LDB2: variants seen among roughly 807,000 people sequenced by gnomAD.
The protein encoded by LDB2 is LIM domain-binding protein 2.
In LDB2, 12 loss-of-function variants were observed where a neutral mutation model predicts 44.3. The observed-to-expected ratio is 0.27, with a 90% CI of 0.17 to 0.44. LDB2 has a LOEUF of 0.44. Ranked by LOEUF, LDB2 falls within the 20% of genes least tolerant of loss-of-function variation. The probability of loss-of-function intolerance (pLI) is 1.00; values close to 1 mark genes in which losing one functional copy is unlikely to be tolerated. For missense variants in LDB2, 344 were observed against 473.5 expected (o/e 0.73, Z 2.54); for synonymous variants, 164 against 174.8 (o/e 0.94, Z 0.49).
At chr4:16,746,619 T>C (rs187439784) in intron 2 of LDB2, among the ~76,000 whole-genome samples, 2 of 152,240 alleles carry the variant, frequency 1.3e-5, no homozygotes, top group East Asian at 3.9e-4. Context: ...AAACCCCGTC[T>C]CTACTAAACA....
chr4:16,690,532 GGGAGGGAGGTT>G (rs1750485752), intron 2 of LDB2, among the ~76,000 whole-genome samples: 2 of 76,520 alleles, frequency 2.6e-5, no homozygotes, highest in African/African-American at 9.3e-5. Context: ...GAGGGAGGGA[GGGAGGGAGGTT>G]GGGGAAAGGA....
At chr4:16,867,930 A>G (rs1333530617) in intron 1 of LDB2, among the ~76,000 whole-genome samples, 1 of 152,218 alleles carries the variant, frequency 6.6e-6, no homozygotes. Flanking sequence ...ACAATCCACT[A>G]GCATCTGTTG....
chr4:16,893,356 C>T (rs896177865), intron 1 of LDB2, among the ~76,000 whole-genome samples: 2 of 151,928 alleles, frequency 1.3e-5, no homozygotes, highest in Admixed American at 1.3e-4. Context: ...TTCTTTTTCT[C>T]CACCTATCCA....
chr4:16,608,959 A>G (rs945625792), intron 2 of LDB2, among the ~76,000 whole-genome samples: 20 of 152,064 alleles, frequency 1.3e-4, no homozygotes, highest in African/African-American at 4.8e-4. Context: ...GGGCGGGGCC[A>G]AGACGGCCGA....
Position 16,552,856 on chromosome 4 carries a change from C to T in LDB2, c.615+33066G>A, listed in dbSNP as rs570674713. Among the ~76,000 whole-genome samples the T allele has an allele frequency of 2.0e-5, 3 of 152,246 alleles. No individual in the cohort carries two copies. The South Asian group carries it at 6.2e-4, about 32-fold the overall frequency. On this transcript the variant is annotated intron_variant, in intron 5 of 7. Transcript: ENST00000304523. ...ATGAACAATCACAAGGACTGATGTT[C>T]GTCAGTCAGAGAAGGGACCTATCTA...
intron 2 of LDB2, among the ~76,000 whole-genome samples, chr4:16,628,293 A>G (rs1446866953): frequency 1.3e-5 from 2 of 152,192 alleles, no homozygotes; most frequent in African/African-American, 4.8e-5. Flanking sequence ...GAAAAATAGC[A>G]TTCTTTCATC....
chr4:16,882,767 G>T (rs1720525983), intron 1 of LDB2, among the ~76,000 whole-genome samples: 1 of 152,024 alleles, frequency 6.6e-6, no homozygotes, highest in Non-Finnish European at 1.5e-5. Flanking sequence ...AAAAAAATAG[G>T]TTTAAATCAC....
intron 1 of LDB2, among the ~76,000 whole-genome samples, chr4:16,763,439 T>TACACACACACACACACAC (rs56114847): frequency 0.012 from 1,719 of 141,122 alleles, 23 homozygotes; most frequent in Middle Eastern, 0.019. Context: ...TGTAAACACG[T>TACACACACACACACACAC]ACACACACAC....
At chr4:16,856,840 C>T (rs1183884640) in intron 1 of LDB2, among the ~76,000 whole-genome samples, 1 of 152,080 alleles carries the variant, frequency 6.6e-6, no homozygotes, top group African/African-American at 2.4e-5. Context: ...GTCACTTGTC[C>T]AAAGTTATAC....
chr4:16,833,273 T>C (rs1473565180), intron 1 of LDB2, among the ~76,000 whole-genome samples: 3 of 152,226 alleles, frequency 2.0e-5, no homozygotes, highest in African/African-American at 7.2e-5. Flanking sequence ...AGATGAGATA[T>C]ATGTCTAATT....
intron 1 of LDB2, among the ~76,000 whole-genome samples, chr4:16,805,773 G>A (rs1363432869): frequency 1.3e-5 from 2 of 152,220 alleles, no homozygotes; most frequent in Non-Finnish European, 2.9e-5. Context: ...GGAAAAACCT[G>A]CAGAGAGAAA....
At chr4:16,601,014 G>A (rs1336604424) in intron 2 of LDB2, among the ~76,000 whole-genome samples, 2 of 151,926 alleles carry the variant, frequency 1.3e-5, no homozygotes, top group Middle Eastern at 3.2e-3. Context: ...ATGTTTATAA[G>A]TAATTCACAT....
At chr4:16,652,928 C>T (rs1193273905) in intron 2 of LDB2, among the ~76,000 whole-genome samples, 1 of 152,146 alleles carries the variant, frequency 6.6e-6, no homozygotes, top group African/African-American at 2.4e-5. Flanking sequence ...TAACATATGC[C>T]TCTCAAGTAA....
intron 2 of LDB2, among the ~76,000 whole-genome samples, chr4:16,714,320 A>G (rs1161401557): frequency 6.6e-6 from 1 of 152,240 alleles, no homozygotes; most frequent in East Asian, 1.9e-4. Flanking sequence ...TACATGCTCA[A>G]CTCAGCTAGC....
intron 2 of LDB2, among the ~76,000 whole-genome samples, chr4:16,649,406 A>G (rs932797246): frequency 7.5e-5 from 11 of 146,872 alleles, no homozygotes; most frequent in African/African-American, 2.4e-4. Context: ...TATGAGAGAG[A>G]GAGAGATGAG....
chr4:16,563,704 C>T (rs897295251), intron 5 of LDB2, among the ~76,000 whole-genome samples: 6 of 151,376 alleles, frequency 4.0e-5, no homozygotes, highest in African/African-American at 9.7e-5. Flanking sequence ...GTGATCTGCC[C>T]GCCTCGGCCT....
chr4:16,674,972 A>C (rs527383568), intron 2 of LDB2, among the ~76,000 whole-genome samples: 1 of 152,344 alleles, frequency 6.6e-6, no homozygotes, highest in Non-Finnish European at 1.5e-5. Context: ...TCATGTTTAC[A>C]TACATGGAAG....
At chr4:16,894,991 T>C (rs1367873267) in intron 1 of LDB2, among the ~76,000 whole-genome samples, 1 of 151,942 alleles carries the variant, frequency 6.6e-6, no homozygotes, top group African/African-American at 2.4e-5. Flanking sequence ...TTTTCTGGTG[T>C]TTATGGTATT....
chr4:16,690,444 C>A (rs764636424), intron 2 of LDB2, among the ~76,000 whole-genome samples: 2 of 121,664 alleles, frequency 1.6e-5, no homozygotes, highest in African/African-American at 5.9e-5. Flanking sequence ...CCTGGGCAAC[C>A]GGAGGAAGAC....
Sources: allele counts gnomAD v4.1 joint callset (sites outside exome capture counted in the v4.1 genomes callset), GRCh38; gene constraint gnomAD v4.1.1; transcripts MANE v1.5; gene names NCBI Gene and HGNC (gene_info 2026-07-23, HGNC 2026-07-21).